Variants in STRIP2 observed in about 807,000 individuals in gnomAD.
The protein encoded by STRIP2 is striatin interacting protein 2, also known as striatin-interacting protein 2.
STRIP2 carries 84 observed loss-of-function variants against 107.1 expected under a neutral mutation model. The observed-to-expected ratio is 0.78, with a 90% CI of 0.66 to 0.94. STRIP2 has a LOEUF of 0.94. Ranked by LOEUF, STRIP2 falls within the 40% of genes least tolerant of loss-of-function variation. The pLI is 0.00. For synonymous variants in STRIP2, 394 were observed against 400.4 expected (o/e 0.98, Z 0.19); for missense variants, 888 against 1,034.2 (o/e 0.86, Z 1.94).
At position 129,463,968 on chromosome 7, in the gene STRIP2, G is replaced by A. The variant is rs951752719; in HGVS notation, c.1552-76G>A. 142 of 1,106,440 alleles carry A rather than the reference G, an allele frequency of 1.3e-4. 2 individuals are homozygous for A. Among genetic ancestry groups the A allele is most frequent in the South Asian group, 1.1e-3 (88 of 78,084 alleles). 68.5% of individuals were successfully genotyped at this position (1,106,440 alleles called of 1,614,324 possible). A position where few individuals can be genotyped will look rare whatever the true frequency, so the allele number is the denominator to read the frequency against. ...GGCTTTAAAACACTTTTTATAGGGC[G>A]GTTAGGGTGTGGAAGAATCACTTCC... On this transcript the variant is annotated intron_variant, in intron 14 of 20. Transcript: ENST00000249344.
At chr7:129,454,085 A>G in intron 5 of STRIP2, 57 bp from the exon 6 acceptor site, 1 of 1,506,650 alleles carries the variant, frequency 6.6e-7, no homozygotes, top group Non-Finnish European at 9.2e-7. Flanking sequence ...GATAAGTAAG[A>G]GCACAGAGAG....
At position 129,445,689 on chromosome 7, in the gene STRIP2, C is replaced by T. The variant is rs150349998; in HGVS notation, c.274+1591C>T. The stretch of plus-strand genomic sequence containing the variant: ...TTGTGACTTCAAAAGGCCATTTCAC[C>T]GTTCTATCAATCCAGCTGCTTCAGG... On this transcript the variant is annotated intron_variant, in intron 3 of 20. Coordinates refer to ENST00000249344, the MANE Select transcript of STRIP2 (RefSeq NM_020704.3). Among the ~76,000 whole-genome samples, 389 of 152,296 alleles carry T rather than the reference C, an allele frequency of 2.6e-3. 1 individual carries two copies. Among genetic ancestry groups the T allele is most frequent in the African/African-American group, 8.8e-3 (364 of 41,562 alleles).
chr7:129,447,871 G>A (rs771453587), intron 3 of STRIP2, among the ~76,000 whole-genome samples: 2 of 152,196 alleles, frequency 1.3e-5, no homozygotes, highest in Non-Finnish European at 2.9e-5. Flanking sequence ...TCTGTCTTCT[G>A]CACAGGTCAA....
chr7:129,485,742 A>G lies in STRIP2; in HGVS notation c.2418A>G (p.Glu806=), dbSNP rs566263009. ...SVLGQRLDLP[E]DFHYSYELWL... is the part of the protein sequence containing the mutation. ...TGGGGCAGAGGTTGGATCTGCCTGAAGATTTCCACTATTCATATGAGCTCT... is the reference window on the plus strand; with the variant it reads ...TGGGGCAGAGGTTGGATCTGCCTGAGGATTTCCACTATTCATATGAGCTCT... The change falls in exon 21 of 21, where the codon GAA becomes GAG. Residue 806 remains glutamate, a synonymous_variant. Transcript: ENST00000249344. The G allele has an allele frequency of 1.2e-6, 2 of 1,614,210 alleles. No individual in the cohort carries two copies. Among genetic ancestry groups the G allele is most frequent in the East Asian group, 4.5e-5 (2 of 44,882 alleles).
intron 13 of STRIP2, 164 bp downstream of exon 13, chr7:129,460,536 G>A (rs1016565587): frequency 2.2e-5 from 14 of 644,034 alleles, no homozygotes; most frequent in Non-Finnish European, 3.8e-5. Flanking sequence ...GGGGAAGAAA[G>A]ATAAAAAATA....
intron 1 of STRIP2, among the ~76,000 whole-genome samples, chr7:129,437,506 T>G (rs1461184093): frequency 6.6e-6 from 1 of 152,098 alleles, no homozygotes; most frequent in Non-Finnish European, 1.5e-5. Context: ...GTAAATATTT[T>G]GTTAAACTTT....
intron 3 of STRIP2, among the ~76,000 whole-genome samples, chr7:129,450,420 C>T (rs1440555687): frequency 1.3e-5 from 2 of 152,194 alleles, no homozygotes; most frequent in African/African-American, 4.8e-5. Flanking sequence ...TGATAGAACC[C>T]TTGACCTTAA....
At chr7:129,434,857 G>GC (rs1160747180) in intron 1 of STRIP2, among the ~76,000 whole-genome samples, 1 of 152,264 alleles carries the variant, frequency 6.6e-6, no homozygotes, top group African/African-American at 2.4e-5. Flanking sequence ...GCGGTATTGA[G>GC]CGGACCAGAT....
chr7:129,463,083 G>C, intron 14 of STRIP2, 43 bp downstream of exon 14: 1 of 1,519,938 alleles, frequency 6.6e-7, no homozygotes, highest in African/African-American at 1.4e-5. Flanking sequence ...TCTGCTGCAA[G>C]GAACAGACAG....
intron 18 of STRIP2, among the ~76,000 whole-genome samples, chr7:129,472,307 CAT>C (rs1798806741): frequency 6.6e-6 from 1 of 152,128 alleles, no homozygotes; most frequent in Non-Finnish European, 1.5e-5. Flanking sequence ...CCCATTGGTT[CAT>C]ATATAGGAAT....
At chr7:129,450,956 A>T (rs1798171951) in intron 3 of STRIP2, among the ~76,000 whole-genome samples, 4 of 60,220 alleles carry the variant, frequency 6.6e-5, no homozygotes, top group East Asian at 4.8e-4. Context: ...TTTTTTTTTG[A>T]GACGGAGTCT....
chr7:129,434,694 C>T (rs1797683705), intron 1 of STRIP2, 93 bp downstream of exon 1: 1 of 1,348,056 alleles, frequency 7.4e-7, no homozygotes, highest in African/African-American at 1.5e-5. Flanking sequence ...CCGGAGCCCT[C>T]GGCGCGCTCG....
Position 129,485,640 on chromosome 7 carries a change from G to C in STRIP2, c.2316G>C (p.Glu772Asp), listed in dbSNP as rs1799227156. 1.2e-6 allele frequency: 2 copies of C among 1,613,844 alleles called. No homozygotes were observed. The highest frequency in any genetic ancestry group is 1.7e-5 in the Admixed American group (1 of 59,968). The change falls in exon 21 of 21, where the codon GAG becomes GAC. Residue 772 changes from glutamate (E) to aspartate (D), a missense_variant. Transcript: ENST00000249344. ...AEECTLRANI[E>D]AFNSRRYDRP... ...AATGTACCTTGAGGGCCAACATTGA[G>C]GCTTTTAACAGCCGTCGCTATGACA...
Position 129,434,489 on chromosome 7 carries a change from C to A in STRIP2, c.17C>A (p.Ala6Glu), listed in dbSNP as rs1797671925. The A allele has an allele frequency of 1.3e-6, 2 of 1,515,132 alleles. No individual in the cohort carries two copies. The highest frequency in any genetic ancestry group is 1.2e-5 in the South Asian group (1 of 81,826). The allele number at this position is 1,515,132 out of a possible 1,614,324, so 93.9% of individuals were successfully genotyped here. A position where few individuals can be genotyped will look rare whatever the true frequency, so the allele number is the denominator to read the frequency against. MEDPA[A>E]PGTGGPPANG... ...ACCAGCAGCATGGAGGACCCCGCCG[C>A]GCCTGGGACCGGGGGCCCGCCCGCA... is the stretch of plus-strand genomic sequence containing the variant. Residue 6 changes from alanine to glutamate, a missense_variant, in exon 1 of 21, where the codon GCG becomes GAG. Coordinates refer to ENST00000249344, the MANE Select transcript of STRIP2 (RefSeq NM_020704.3).
intron 18 of STRIP2, among the ~76,000 whole-genome samples, chr7:129,472,251 T>C (rs991621029): frequency 1.2e-4 from 19 of 152,220 alleles, no homozygotes; most frequent in Admixed American, 1.3e-4. Context: ...TTTTATGGCC[T>C]GAATTTATTT....
intron 4 of STRIP2, among the ~76,000 whole-genome samples, chr7:129,452,445 G>A (rs1234913843): frequency 6.6e-6 from 1 of 152,190 alleles, no homozygotes; most frequent in East Asian, 1.9e-4. Flanking sequence ...GTGGACATTA[G>A]GTGAAGAGAA....
At position 129,472,775 on chromosome 7, in the gene STRIP2, CCTTTTTTTTTTTTTTTT is replaced by C. The variant is rs1354284487; in HGVS notation, c.1944+2061_1944+2077del. On this transcript the variant is annotated intron_variant, in intron 18 of 20. Transcript: ENST00000249344. ...AATATATAGAATTTTCTTTTCTTTT[CCTTTTTTTTTTTTTTTT>C]TTTTTTTTTTTTGAGACAGAGTCTT... 8.7e-5 allele frequency among the ~76,000 whole-genome samples: 6 copies of C among 68,892 alleles called. No homozygotes were observed. The East Asian group carries it at 2.2e-3, about 25-fold the overall frequency. 45.2% of individuals were successfully genotyped at this position (68,892 alleles called of 152,430 possible).
intron 18 of STRIP2, among the ~76,000 whole-genome samples, chr7:129,476,272 C>G (rs1228149314): frequency 1.1e-4 from 17 of 150,872 alleles, no homozygotes; most frequent in African/African-American, 3.2e-4. Flanking sequence ...GGGCGGCTGC[C>G]GGGCAGAGAC....
chr7:129,460,999 A>C (rs576355773), intron 13 of STRIP2, among the ~76,000 whole-genome samples: 4 of 152,364 alleles, frequency 2.6e-5, no homozygotes, highest in Admixed American at 2.0e-4. Flanking sequence ...TGTTTCTAAA[A>C]ACATTAGCTT....
Sources: gnomAD v4.1 joint callset for allele counts (sites outside exome capture counted in the v4.1 genomes callset) on GRCh38, gnomAD v4.1.1 for gene constraint, MANE v1.5 for transcripts, NCBI Gene and HGNC (gene_info 2026-07-23, HGNC 2026-07-21) for gene names.